Variants in TRPS1 observed in about 807,000 individuals in gnomAD.
TRPS1 encodes the protein transcriptional repressor GATA binding 1.
A neutral mutation model predicts 101.2 loss-of-function variants in TRPS1; 6 were observed. The observed-to-expected ratio is 0.06, with a 90% CI of 0.03 to 0.12. The LOEUF is 0.12. TRPS1 is among the 10% of genes least tolerant of loss of function. The probability of loss-of-function intolerance (pLI) is 1.00; values close to 1 mark genes in which losing one functional copy is unlikely to be tolerated. For missense variants in TRPS1, 1,363 were observed against 1,567.0 expected (o/e 0.87, Z 2.20); for synonymous variants, 578 against 589.8 (o/e 0.98, Z 0.29).
At chr8:115,521,790 T>C (rs576195870) in intron 5 of TRPS1, among the ~76,000 whole-genome samples, 1 of 152,048 alleles carries the variant, frequency 6.6e-6, no homozygotes, top group South Asian at 2.1e-4. Flanking sequence ...GTTTATGCAA[T>C]TAAGGTAAAT....
intron 3 of TRPS1, among the ~76,000 whole-genome samples, chr8:115,607,647 G>A (rs1021446794): frequency 1.7e-4 from 26 of 151,082 alleles, no homozygotes; most frequent in Non-Finnish European, 3.1e-4. Flanking sequence ...GGTTAATATC[G>A]GTAAATAATA....
At chr8:115,513,400 A>G (rs572117254) in intron 5 of TRPS1, among the ~76,000 whole-genome samples, 1 of 151,742 alleles carries the variant, frequency 6.6e-6, no homozygotes, top group East Asian at 1.9e-4. Context: ...TGAACGTGGT[A>G]TGGTTTGCAA....
At chr8:115,574,290 A>C (rs961229154) in intron 5 of TRPS1, among the ~76,000 whole-genome samples, 12 of 152,154 alleles carry the variant, frequency 7.9e-5, no homozygotes, top group Admixed American at 2.6e-4. Flanking sequence ...AGTACAGGTT[A>C]GTTTGGTCTA....
intron 5 of TRPS1, among the ~76,000 whole-genome samples, chr8:115,533,427 A>C (rs1420029420): frequency 4.0e-5 from 2 of 50,304 alleles, no homozygotes; most frequent in South Asian, 7.2e-4. Context: ...CGCTTCCCAC[A>C]TGTAATCTGT....
chr8:115,428,086 C>T (rs1813233278), intron 5 of TRPS1, among the ~76,000 whole-genome samples: 1 of 152,068 alleles, frequency 6.6e-6, no homozygotes, highest in Non-Finnish European at 1.5e-5. Context: ...TTGACATGCT[C>T]TGTAAACACA....
In TRPS1 at chr8:115,414,760, T is replaced by A. The variant is rs181035264; in HGVS notation, c.3148A>T (p.Ile1050Phe). Reference protein sequence around the residue: ...DIHKRMQPLHIQIKSPQESTG... With the variant: ...DIHKRMQPLHFQIKSPQESTG... ...CTTTCCTGAGGACTTTTTATCTGAA[T>A]GTGCAAAGGTTGCATCCTTTTGTGA... The change falls in exon 7 of 7, where the codon ATT becomes TTT. Residue 1050 changes from isoleucine to phenylalanine, a missense_variant. By Grantham distance (21) the Ile-to-Phe change is conservative. Around this residue, in one of 5 missense-constraint regions of TRPS1, gnomAD observed 307 missense variants for 392.4 expected, o/e 0.78. Transcript: ENST00000395715. The surrounding 1 kb of genome is among the most constrained non-coding windows in gnomAD (Gnocchi z 4.8). The A allele has an allele frequency of 8.9e-5, 144 of 1,614,074 alleles. No homozygotes were observed. In the East Asian group the frequency reaches 3.2e-3, roughly 35 times the overall value.
intron 5 of TRPS1, among the ~76,000 whole-genome samples, chr8:115,429,307 G>T (rs1401449356): frequency 1.3e-5 from 2 of 152,084 alleles, no homozygotes; most frequent in Non-Finnish European, 2.9e-5. Context: ...GCTTTTGCAC[G>T]TCCATTAGTG....
chr8:115,549,018 C>T (rs1270788867), intron 5 of TRPS1, among the ~76,000 whole-genome samples: 1 of 152,040 alleles, frequency 6.6e-6, no homozygotes, highest in African/African-American at 2.4e-5. Flanking sequence ...TTAATAGTAC[C>T]GTAAAAATTG....
chr8:115,420,419 C>G (rs1475868341), intron 5 of TRPS1, among the ~76,000 whole-genome samples: 1 of 152,188 alleles, frequency 6.6e-6, no homozygotes, highest in African/African-American at 2.4e-5. Flanking sequence ...TTTCCTAGAT[C>G]TAAATAACAT....
intron 3 of TRPS1, among the ~76,000 whole-genome samples, chr8:115,605,695 C>A (rs1291477864): frequency 2.0e-5 from 3 of 152,124 alleles, no homozygotes; most frequent in Non-Finnish European, 4.4e-5. Context: ...ATCTTCCATG[C>A]CTTATTTGAT....
chr8:115,517,619 TTAA>T (rs1342024398), intron 5 of TRPS1, among the ~76,000 whole-genome samples: 1 of 151,684 alleles, frequency 6.6e-6, no homozygotes, highest in Non-Finnish European at 1.5e-5. Context: ...ATGGTGTGAA[TTAA>T]TGTTATGATA....
intron 5 of TRPS1, among the ~76,000 whole-genome samples, chr8:115,447,881 C>T (rs560442493): frequency 2.4e-4 from 37 of 152,104 alleles, no homozygotes; most frequent in African/African-American, 8.4e-4. Context: ...AGTTAAAGTG[C>T]ATTAAACCTT....
intron 5 of TRPS1, among the ~76,000 whole-genome samples, chr8:115,525,862 CA>C (rs1195389570): frequency 6.6e-6 from 1 of 152,088 alleles, no homozygotes; most frequent in Admixed American, 6.6e-5. Flanking sequence ...GAAATCTATA[CA>C]GGATTTCACT....
At chr8:115,460,794 T>C (rs546839452) in intron 5 of TRPS1, among the ~76,000 whole-genome samples, 1 of 152,326 alleles carries the variant, frequency 6.6e-6, no homozygotes, top group East Asian at 1.9e-4. Flanking sequence ...CTTTGTAGCA[T>C]GCATTCATTC....
At chr8:115,440,981 T>G (rs1813578425) in intron 5 of TRPS1, among the ~76,000 whole-genome samples, 1 of 152,144 alleles carries the variant, frequency 6.6e-6, no homozygotes, top group Non-Finnish European at 1.5e-5. Flanking sequence ...ATTTTTGCTT[T>G]GCTAAAAAAA....
chr8:115,536,664 T>G (rs1208851708), intron 5 of TRPS1, among the ~76,000 whole-genome samples: 1 of 152,064 alleles, frequency 6.6e-6, no homozygotes, highest in African/African-American at 2.4e-5. Context: ...GTACCATAAA[T>G]CCAGTTGGCA....
At chr8:115,451,079 A>T (rs1207960869) in intron 5 of TRPS1, among the ~76,000 whole-genome samples, 2 of 152,190 alleles carry the variant, frequency 1.3e-5, no homozygotes, top group Non-Finnish European at 2.9e-5. Context: ...TTTACTTTTA[A>T]TGTTATTTAC....
chr8:115,506,656 T>G (rs1815452164), intron 5 of TRPS1, among the ~76,000 whole-genome samples: 1 of 152,158 alleles, frequency 6.6e-6, no homozygotes, highest in Non-Finnish European at 1.5e-5. Flanking sequence ...GTCTGTATCT[T>G]TAAAACTACT....
chr8:115,462,573 G>A (rs1814207797), intron 5 of TRPS1, among the ~76,000 whole-genome samples: 1 of 151,176 alleles, frequency 6.6e-6, no homozygotes, highest in Non-Finnish European at 1.5e-5. Context: ...TTCAATTCTA[G>A]GTCCACAAAC....
Sources: gnomAD v4.1 joint callset for allele counts (sites outside exome capture counted in the v4.1 genomes callset) on GRCh38, gnomAD v4.1.1 for gene constraint, gnomAD v4.1.1 regional missense constraint, Gnocchi (gnomAD v3.1) non-coding constraint, MANE v1.5 for transcripts, NCBI Gene and HGNC (gene_info 2026-07-23, HGNC 2026-07-21) for gene names.